Variants in DSCAM observed in about 807,000 individuals in gnomAD.
The protein encoded by DSCAM is DS cell adhesion molecule, also known as cell adhesion molecule DSCAM.
A neutral mutation model predicts 217.7 loss-of-function variants in DSCAM; 47 were observed. The observed-to-expected ratio is 0.22, with a 90% CI of 0.17 to 0.28. The LOEUF is 0.28. Among genes scored for constraint, DSCAM ranks in the 10% least tolerant of loss-of-function variants. The probability of loss-of-function intolerance (pLI) is 1.00; values close to 1 mark genes in which losing one functional copy is unlikely to be tolerated. For synonymous variants in DSCAM, 1,056 were observed against 1,015.3 expected, an observed-to-expected ratio of 1.04 and a Z score of -0.76; for missense variants, 2,080 against 2,618.3, an observed-to-expected ratio of 0.79 and a Z score of 4.49.
chr21:40,096,319 C>T (rs957205200), intron 20 of DSCAM, among the ~76,000 whole-genome samples: 9 of 152,176 alleles, frequency 5.9e-5, no homozygotes, highest in African/African-American at 1.9e-4. Flanking sequence ...TCTCATGTCT[C>T]GCTAAAATGC....
At chr21:40,522,621 T>A (rs1316607226) in intron 3 of DSCAM, among the ~76,000 whole-genome samples, 3 of 152,218 alleles carry the variant, frequency 2.0e-5, no homozygotes, top group Non-Finnish European at 4.4e-5. Flanking sequence ...GCAGGATACA[T>A]ATTTTTTTCC....
chr21:40,266,492 A>T (rs542253098), intron 11 of DSCAM, among the ~76,000 whole-genome samples: 1 of 151,856 alleles, frequency 6.6e-6, no homozygotes, highest in South Asian at 2.1e-4. Flanking sequence ...CAGCAATCGC[A>T]CTACTGGGTA....
chr21:40,254,296 C>G (rs1020047593), intron 11 of DSCAM, among the ~76,000 whole-genome samples: 23 of 151,652 alleles, frequency 1.5e-4, no homozygotes, highest in African/African-American at 5.1e-4. Context: ...ACACTCCAGG[C>G]AGGGGGAGGG....
intron 3 of DSCAM, among the ~76,000 whole-genome samples, chr21:40,493,879 A>AAAAT (rs1555845575): frequency 1.7e-4 from 23 of 135,542 alleles, no homozygotes; most frequent in East Asian, 1.5e-3. Flanking sequence ...AAAAAAAAAA[A>AAAAT]ATATATACAT....
chr21:40,276,132 G>A lies in DSCAM; in HGVS notation c.2321C>T (p.Ala774Val), dbSNP rs957448054. The change falls in exon 11 of 33, where the codon GCA (alanine) becomes GTA (valine). Residue 774 changes from alanine to valine, a missense_variant. Physicochemically the swap from Ala to Val is moderately conservative, Grantham distance 64. Around this residue, in one of 5 missense-constraint regions of DSCAM, gnomAD observed 218 missense variants for 364.1 expected, o/e 0.60. Coordinates refer to ENST00000400454, the MANE Select transcript of DSCAM (RefSeq NM_001389.5). ...YLCKVSNDVG[A>V]DVSKSMYLTV... ...GAGGTACATGGACTTGCTGACGTCT[G>A]CGCCCACATCGTTGCTGACCTTGCA... 6.2e-7 allele frequency: 1 copy of A among 1,609,022 alleles called. No homozygotes were observed. The highest frequency in any genetic ancestry group is 8.5e-7 in the Non-Finnish European group (1 of 1,177,934).
rs910332289 is a variant in DSCAM, at chr21:40,161,282, C to T, written c.3018+5936G>A. Among the ~76,000 whole-genome samples, 9 of 152,116 alleles carry T rather than the reference C, an allele frequency of 5.9e-5. No individual in the cohort carries two copies. In the South Asian group the frequency reaches 6.3e-4, roughly 11 times the overall value. ...CGAGAGGAGTAACCCAATGTATAGA[C>T]GGAGAGATGCAGAATACATTCCAAA... is the stretch of plus-strand genomic sequence containing the variant. On this transcript the variant is annotated intron_variant, in intron 16 of 32. Transcript: ENST00000400454.
At chr21:40,432,364 G>A (rs944065122) in intron 3 of DSCAM, among the ~76,000 whole-genome samples, 1 of 151,898 alleles carries the variant, frequency 6.6e-6, no homozygotes, top group Non-Finnish European at 1.5e-5. Flanking sequence ...GTGTTTCTCA[G>A]CTCCTGGCCA....
chr21:40,219,992 A>G (rs1450600933), intron 11 of DSCAM, among the ~76,000 whole-genome samples: 2 of 152,260 alleles, frequency 1.3e-5, no homozygotes, highest in Admixed American at 6.5e-5. Context: ...GAAAACGGGA[A>G]TCAAGGCTAT....
At chr21:40,171,913 T>C (rs557312263) in intron 15 of DSCAM, among the ~76,000 whole-genome samples, 15 of 152,340 alleles carry the variant, frequency 9.8e-5, no homozygotes, top group Admixed American at 9.8e-4. Context: ...AAAAATTAGG[T>C]ATATCCATTT....
intron 11 of DSCAM, among the ~76,000 whole-genome samples, chr21:40,270,967 G>C (rs1337063218): frequency 6.6e-6 from 1 of 152,264 alleles, no homozygotes; most frequent in African/African-American, 2.4e-5. Flanking sequence ...AACAGAAAAG[G>C]AGATGGGTTA....
intron 1 of DSCAM, among the ~76,000 whole-genome samples, chr21:40,725,211 TC>T (rs1203855070): frequency 6.6e-6 from 1 of 152,194 alleles, no homozygotes; most frequent in African/African-American, 2.4e-5. Flanking sequence ...TCATCTCTCT[TC>T]CCCTTTGTCC....
At chr21:40,248,219 C>G (rs558960598) in intron 11 of DSCAM, among the ~76,000 whole-genome samples, 2 of 152,194 alleles carry the variant, frequency 1.3e-5, no homozygotes, top group African/African-American at 4.8e-5. Flanking sequence ...AGACATTTTC[C>G]CCATTATCCT....
At chr21:40,808,215 C>T (rs947287214) in intron 1 of DSCAM, among the ~76,000 whole-genome samples, 5 of 152,156 alleles carry the variant, frequency 3.3e-5, no homozygotes, top group Non-Finnish European at 5.9e-5. Context: ...TGGGGGAATT[C>T]CACTGTCCTT....
In DSCAM at chr21:40,078,758, T is replaced by C; in HGVS notation, c.4640A>G (p.Gln1547Arg). The C allele has an allele frequency of 6.2e-7, 1 of 1,614,250 alleles. No individual in the cohort carries two copies. Among genetic ancestry groups the C allele is most frequent in the Middle Eastern group, 1.6e-4 (1 of 6,062 alleles). Residue 1547 changes from glutamine (Q) to arginine (R), a missense_variant, in exon 26 of 33, where the codon CAG becomes CGG. By Grantham distance (43) the Gln-to-Arg change is conservative. This residue lies in a region of DSCAM where 1,144 missense variants were observed against 1,421.1 expected (regional missense o/e 0.81). Transcript: ENST00000400454. The stretch of plus-strand genomic sequence containing the variant: ...GCCCGCACTGTTGCACACCCGCATC[T>C]GCAGCTCATACCAGGTGGCTTCCTG... ...DLQEATWYELQMRVCNSAGCA... is the reference protein window; with the variant it reads ...DLQEATWYELRMRVCNSAGCA...
intron 10 of DSCAM, among the ~76,000 whole-genome samples, chr21:40,280,853 G>A (rs961413201): frequency 1.3e-5 from 2 of 152,108 alleles, no homozygotes; most frequent in Non-Finnish European, 2.9e-5. Flanking sequence ...TCTTAACTCT[G>A]GGGAATTCCA....
At chr21:40,511,235 T>C (rs2076254934) in intron 3 of DSCAM, among the ~76,000 whole-genome samples, 1 of 152,202 alleles carries the variant, frequency 6.6e-6, no homozygotes, top group Non-Finnish European at 1.5e-5. Flanking sequence ...TATGATACTA[T>C]CCTTATTTTA....
At chr21:40,511,250 T>C in intron 3 of DSCAM, among the ~76,000 whole-genome samples, 1 of 152,238 alleles carries the variant, frequency 6.6e-6, no homozygotes, top group African/African-American at 2.4e-5. Flanking sequence ...ATTTTATAGA[T>C]AAAGAAATAG....
intron 4 of DSCAM, among the ~76,000 whole-genome samples, chr21:40,357,725 G>C (rs374854541): frequency 3.7e-4 from 57 of 152,140 alleles, no homozygotes; most frequent in African/African-American, 1.1e-3. Flanking sequence ...GTGCGGGGAG[G>C]GGGGAGAGAT....
intron 3 of DSCAM, among the ~76,000 whole-genome samples, chr21:40,440,066 A>AC (rs1251310734): frequency 0.018 from 2 of 112 alleles, no homozygotes; most frequent in Non-Finnish European, 0.032. Flanking sequence ...CTGTAAAGCA[A>AC]CCTGGGTCTT....
Sources: allele counts gnomAD v4.1 joint callset (sites outside exome capture counted in the v4.1 genomes callset), GRCh38; gene constraint gnomAD v4.1.1; regional missense constraint gnomAD v4.1.1; transcripts MANE v1.5; gene names NCBI Gene and HGNC (gene_info 2026-07-23, HGNC 2026-07-21).